LINGO2: variants seen among roughly 807,000 people sequenced by gnomAD.
LINGO2 encodes the protein leucine rich repeat and Ig domain containing 2.
Under a neutral mutation model 30.6 loss-of-function variants are expected in LINGO2, and 14 were observed. The ratio of observed to expected loss-of-function variants is 0.46; its 90% CI spans 0.30 to 0.72. The LOEUF is 0.72. Ranked by LOEUF, LINGO2 falls within the 30% of genes least tolerant of loss-of-function variation. LINGO2 has a pLI of 0.07. For synonymous variants in LINGO2, 317 were observed against 288.5 expected (o/e 1.10, Z -1.00); for missense variants, 729 against 751.7 (o/e 0.97, Z 0.35).
the LINGO2 span, among the ~76,000 whole-genome samples, chr9:29,180,948 T>C: frequency 2.0e-5 from 3 of 152,126 alleles, no homozygotes; most frequent in African/African-American, 4.8e-5. Flanking sequence ...TTTTGTAAAA[T>C]TGGTTGGGAT....
the LINGO2 span, among the ~76,000 whole-genome samples, chr9:28,946,942 T>C: frequency 6.6e-6 from 1 of 152,094 alleles, no homozygotes; most frequent in South Asian, 2.1e-4. Context: ...TCAGGTAGGC[T>C]ACCTAAAGCA....
chr9:28,595,180 T>C (rs1825117742), intron 1 of LINGO2, among the ~76,000 whole-genome samples: 1 of 152,098 alleles, frequency 6.6e-6, no homozygotes, highest in African/African-American at 2.4e-5. Context: ...AAAACCCCTT[T>C]CAATGATATA....
At chr9:28,281,882 G>A (rs1183778964) in intron 4 of LINGO2, among the ~76,000 whole-genome samples, 10 of 152,104 alleles carry the variant, frequency 6.6e-5, no homozygotes. Context: ...CCGGATTTCT[G>A]CATGTGGAAA....
chr9:29,017,891 G>A, the LINGO2 span, among the ~76,000 whole-genome samples: 6,740 of 151,788 alleles, frequency 0.044, 194 homozygotes, highest in Non-Finnish European at 0.066. Context: ...ACAGCTCAGC[G>A]TCAGCCCCAG....
At chr9:28,168,874 G>T (rs751926953) in intron 4 of LINGO2, among the ~76,000 whole-genome samples, 13 of 152,226 alleles carry the variant, frequency 8.5e-5, no homozygotes, top group Non-Finnish European at 1.9e-4. Context: ...GAATTACTAT[G>T]TGTGGCTTTG....
the LINGO2 span, among the ~76,000 whole-genome samples, chr9:28,976,637 A>T: frequency 6.6e-6 from 1 of 152,150 alleles, no homozygotes; most frequent in East Asian, 1.9e-4. Flanking sequence ...TCTATAGAGA[A>T]AACTATTTCA....
At chr9:28,381,795 T>C (rs2134633607) in intron 2 of LINGO2, among the ~76,000 whole-genome samples, 1 of 152,246 alleles carries the variant, frequency 6.6e-6, no homozygotes, top group South Asian at 2.1e-4. Context: ...TATGTCGCAC[T>C]TCTAACCCGA....
chr9:28,497,353 C>T (rs553764784), intron 1 of LINGO2, among the ~76,000 whole-genome samples: 4 of 152,244 alleles, frequency 2.6e-5, no homozygotes, highest in Non-Finnish European at 5.9e-5. Flanking sequence ...AGGCTTTGTT[C>T]ATTTCTTTTT....
At chr9:28,447,124 T>A (rs546999365) in intron 2 of LINGO2, among the ~76,000 whole-genome samples, 1 of 152,178 alleles carries the variant, frequency 6.6e-6, no homozygotes, top group Non-Finnish European at 1.5e-5. Context: ...CATCCTAGGT[T>A]AGGTTTGCCT....
chr9:28,413,634 C>T (rs1822857255), intron 2 of LINGO2, among the ~76,000 whole-genome samples: 1 of 152,014 alleles, frequency 6.6e-6, no homozygotes, highest in Non-Finnish European at 1.5e-5. Context: ...AATGGCTTTC[C>T]AGCTGTGCTC....
chr9:28,148,664 G>A lies in LINGO2; in HGVS notation c.-86-136259C>T. 2.0e-6 allele frequency: 3 copies of A among 1,532,926 alleles called. No individual in the cohort carries two copies. The highest frequency in any genetic ancestry group is 2.6e-6 in the Non-Finnish European group (3 of 1,145,386). The allele number at this position is 1,532,926 out of a possible 1,614,324, so 95.0% of individuals were successfully genotyped here. ...AAACAACCAGACTGACAAGGCCCAG[G>A]TGCCTGCAGTGAGTTTCTACTCCAA... On this transcript the variant is annotated intron_variant, in intron 4 of 5. Transcript: ENST00000379992. The surrounding 1 kb of genome is among the most constrained non-coding windows in gnomAD (Gnocchi z 5.1).
the LINGO2 span, among the ~76,000 whole-genome samples, chr9:29,188,085 A>T: frequency 7.5e-6 from 1 of 132,500 alleles, no homozygotes; most frequent in African/African-American, 3.0e-5. Context: ...TGACAGGGTC[A>T]TAGGACAATA....
chr9:28,973,783 T>C, the LINGO2 span, among the ~76,000 whole-genome samples: 1 of 152,184 alleles, frequency 6.6e-6, no homozygotes, highest in African/African-American at 2.4e-5. Context: ...CTTATAATAG[T>C]GTATCCAGCA....
rs981222291 is a variant in LINGO2, at chr9:28,448,227, T to A, written c.-279+27713A>T. ...GTTTGAAAGTTGTGCACCTACAAAA[T>A]GGAGAATACTTTCTGGGTTGACAGC... is the stretch of plus-strand genomic sequence containing the variant. On this transcript the variant is annotated intron_variant, in intron 2 of 5. Coordinates refer to ENST00000379992, the Ensembl canonical transcript of LINGO2. 7.2e-5 allele frequency among the ~76,000 whole-genome samples: 11 copies of A among 152,254 alleles called. No individual in the cohort carries two copies. In the South Asian group the frequency reaches 2.1e-3, roughly 29 times the overall value.
intron 4 of LINGO2, among the ~76,000 whole-genome samples, chr9:28,092,226 G>A (rs926560065): frequency 6.6e-6 from 1 of 152,058 alleles, no homozygotes; most frequent in African/African-American, 2.4e-5. Flanking sequence ...AATTCATGCT[G>A]CTATAAAGAC....
intron 2 of LINGO2, among the ~76,000 whole-genome samples, chr9:28,471,796 T>G (rs1353330178): frequency 1.3e-5 from 2 of 152,184 alleles, no homozygotes; most frequent in African/African-American, 4.8e-5. Context: ...AACACAATTG[T>G]ACAGCAAGAG....
chr9:29,201,275 A>C, the LINGO2 span, among the ~76,000 whole-genome samples: 28 of 152,194 alleles, frequency 1.8e-4, no homozygotes, highest in South Asian at 4.6e-3. Context: ...TGTTTATATC[A>C]GCATGAACGC....
At chr9:29,142,730 G>T in the LINGO2 span, among the ~76,000 whole-genome samples, 1 of 151,910 alleles carries the variant, frequency 6.6e-6, no homozygotes, top group East Asian at 1.9e-4. Flanking sequence ...TCTAAGATTA[G>T]AAGCAGGGCA....
chr9:28,629,711 T>C (rs1826845537), intron 1 of LINGO2, among the ~76,000 whole-genome samples: 1 of 151,944 alleles, frequency 6.6e-6, no homozygotes, highest in Admixed American at 6.6e-5. Flanking sequence ...TGGCAGATGG[T>C]AGAACTAGAG....
Sources: gnomAD v4.1 joint callset for allele counts (sites outside exome capture counted in the v4.1 genomes callset) on GRCh38, gnomAD v4.1.1 for gene constraint, Gnocchi (gnomAD v3.1) non-coding constraint, MANE v1.5 for transcripts, NCBI Gene and HGNC (gene_info 2026-07-23, HGNC 2026-07-21) for gene names.